NMU: variants seen among roughly 807,000 people sequenced by gnomAD.
NMU encodes neuromedin U.
In NMU, 29 loss-of-function variants were observed where a neutral mutation model predicts 35.4. The observed-to-expected ratio is 0.82, with a 90% CI of 0.61 to 1.12. The LOEUF is 1.12. Among genes scored for constraint, NMU ranks in the 50% most tolerant of loss-of-function variants. The pLI is 0.00. For synonymous variants in NMU, 78 were observed against 81.3 expected (o/e 0.96, Z 0.22); for missense variants, 199 against 206.2 (o/e 0.97, Z 0.21).
At chr4:55,636,344 G>C (rs1040350276), upstream of NMU, 1 of 1,166,564 alleles carries the variant, frequency 8.6e-7, no homozygotes, top group Non-Finnish European at 1.1e-6. The surrounding 1 kb of genome is among the most constrained non-coding windows in gnomAD (Gnocchi z 4.0). Context: ...GCACAAGTGG[G>C]CTGGGCTGCG....
chr4:55,604,303 T>C (rs934765815), intron 7 of NMU, among the ~76,000 whole-genome samples: 20 of 151,646 alleles, frequency 1.3e-4, no homozygotes, highest in African/African-American at 4.6e-4. Context: ...TGACCTCAAA[T>C]GATCCACCCA....
intron 2 of NMU, among the ~76,000 whole-genome samples, chr4:55,627,261 T>C (rs1456999292): frequency 1.3e-5 from 2 of 151,868 alleles, no homozygotes; most frequent in Admixed American, 6.6e-5. Flanking sequence ...TTTTTTTTTT[T>C]ATTACTGCAG....
chr4:55,632,823 GGA>G (rs1715676436), intron 1 of NMU, among the ~76,000 whole-genome samples: 1 of 152,072 alleles, frequency 6.6e-6, no homozygotes, highest in Non-Finnish European at 1.5e-5. Flanking sequence ...TCAGAACCAT[GGA>G]GAGTTTGCTT....
rs1006310048 is a variant in NMU, at chr4:55,607,472, G to T, written c.280-6C>A. 16 of 926,456 alleles carry T rather than the reference G, an allele frequency of 1.7e-5. No individual in the cohort carries two copies. Among genetic ancestry groups the T allele is most frequent in the Non-Finnish European group, 2.4e-5 (14 of 586,562 alleles). The allele number at this position is 926,456 out of a possible 1,614,324, so 57.4% of individuals were successfully genotyped here. A position where few individuals can be genotyped will look rare whatever the true frequency, so the allele number is the denominator to read the frequency against. On this transcript the variant is annotated splice_polypyrimidine_tract_variant and splice_region_variant and intron_variant, in intron 4 of 9. Coordinates refer to ENST00000264218, the MANE Select transcript of NMU (RefSeq NM_006681.4). Reference sequence around the variant, plus strand: ...TTATCTTTTTCATCTTGTTCCTATTGAAAAGAGATATTGTATATATCATTA... The same window carrying T: ...TTATCTTTTTCATCTTGTTCCTATTTAAAAGAGATATTGTATATATCATTA...
At chr4:55,608,105 G>A (rs545891176) in intron 4 of NMU, among the ~76,000 whole-genome samples, 1 of 151,256 alleles carries the variant, frequency 6.6e-6, no homozygotes, top group Non-Finnish European at 1.5e-5. Context: ...AACCTGGGAG[G>A]CGGAGCTTGC....
At chr4:55,604,365 A>T (rs376234711) in intron 7 of NMU, among the ~76,000 whole-genome samples, 5 of 151,792 alleles carry the variant, frequency 3.3e-5, no homozygotes, top group South Asian at 4.2e-4. Flanking sequence ...AAGAGTTAGG[A>T]TTCTTTTTAA....
At chr4:55,636,454 G>C, upstream of NMU, 1 of 440,174 alleles carries the variant, frequency 2.3e-6, no homozygotes, top group Non-Finnish European at 3.9e-6. The surrounding 1 kb of genome is among the most constrained non-coding windows in gnomAD (Gnocchi z 4.0). Flanking sequence ...AGCAGGACCC[G>C]AGCCCCCTAG....
At position 55,636,119 on chromosome 4, in the gene NMU, A is replaced by C; in HGVS notation, c.74T>G (p.Leu25Arg). ...CGCGCACCAGGCGAGCAGCAGCAGCAGCAGCAGGAGCGGGGACGCCGCGGC... is the reference window on the plus strand; with the variant it reads ...CGCGCACCAGGCGAGCAGCAGCAGCCGCAGCAGGAGCGGGGACGCCGCGGC... Reference protein sequence around the residue: ...QVAAASPLLLLLLLLAWCAGA... With the variant: ...QVAAASPLLLRLLLLAWCAGA... Residue 25 changes from leucine (L) to arginine (R), a missense_variant, in exon 1 of 10, where the codon CTG (leucine) becomes CGG (arginine). Coordinates refer to ENST00000264218, the MANE Select transcript of NMU (RefSeq NM_006681.4). This position sits in a 1 kb window ranked among gnomAD's most constrained non-coding sequence, Gnocchi z 4.0. 6.5e-7 allele frequency: 1 copy of C among 1,528,800 alleles called. No homozygotes were observed. Among genetic ancestry groups the C allele is most frequent in the South Asian group, 1.2e-5 (1 of 83,676 alleles). 94.7% of individuals were successfully genotyped at this position (1,528,800 alleles called of 1,614,324 possible).
intron 1 of NMU, among the ~76,000 whole-genome samples, chr4:55,634,896 A>G (rs1715819282): frequency 6.6e-6 from 1 of 151,946 alleles, no homozygotes; most frequent in East Asian, 1.9e-4. Flanking sequence ...TCTCTCACAC[A>G]CACACCCCCC....
Position 55,633,009 on chromosome 4 carries a change from A to T in NMU, c.113-2549T>A, listed in dbSNP as rs1428534124. Reference sequence around the variant, plus strand: ...AGGAGAGGAAACAAAATTAAAAAAAAATTCTATAATTTATAGAAAACGACT... The same window carrying T: ...AGGAGAGGAAACAAAATTAAAAAAATATTCTATAATTTATAGAAAACGACT... On this transcript the variant is annotated intron_variant, in intron 1 of 9. Coordinates refer to ENST00000264218, the MANE Select transcript of NMU (RefSeq NM_006681.4). Among the ~76,000 whole-genome samples the T allele has an allele frequency of 4.1e-5, 6 of 146,146 alleles. 1 individual carries two copies. In the South Asian group the frequency reaches 1.1e-3, roughly 27 times the overall value.
chr4:55,608,164 G>C (rs535199680), intron 4 of NMU, among the ~76,000 whole-genome samples: 49 of 101,928 alleles, frequency 4.8e-4, no homozygotes, highest in African/African-American at 1.8e-3. Context: ...GACAGAGCGA[G>C]ACTCCATCTC....
chr4:55,632,593 G>T (rs994339705), intron 1 of NMU, among the ~76,000 whole-genome samples: 2 of 152,162 alleles, frequency 1.3e-5, no homozygotes, highest in Non-Finnish European at 2.9e-5. Context: ...TTATCTGGTA[G>T]ATCCTACCCT....
chr4:55,609,455 C>A (rs987641824), intron 3 of NMU, among the ~76,000 whole-genome samples: 1 of 151,612 alleles, frequency 6.6e-6, no homozygotes. Context: ...ATACATAGTT[C>A]TCAGCACTTG....
intron 9 of NMU, 35 bp downstream of exon 9, chr4:55,599,102 CTATTT>C: frequency 7.4e-7 from 1 of 1,344,982 alleles, no homozygotes; most frequent in Non-Finnish European, 1.1e-6. Context: ...GAAATGCATA[CTATTT>C]TATTTATTTA....
At chr4:55,606,180 T>C (rs1733675260) in intron 6 of NMU, among the ~76,000 whole-genome samples, 2 of 152,258 alleles carry the variant, frequency 1.3e-5, no homozygotes, top group Non-Finnish European at 2.9e-5. Context: ...AAGATTATAG[T>C]TACCTTTCCA....
At chr4:55,599,263 G>A (rs570400779) in intron 8 of NMU, 82 bp from the exon 9 acceptor site, 13 of 1,136,738 alleles carry the variant, frequency 1.1e-5, no homozygotes, top group Non-Finnish European at 1.7e-5. Context: ...ATGATTTAGA[G>A]GAGTGTTTAA....
chr4:55,599,242 G>T, intron 8 of NMU, 61 bp from the exon 9 acceptor site: 1 of 1,317,284 alleles, frequency 7.6e-7, no homozygotes, highest in South Asian at 1.2e-5. Flanking sequence ...AACAGTCATA[G>T]AAACAGATTG....
At chr4:55,616,808 T>C (rs1181567624) in intron 2 of NMU, among the ~76,000 whole-genome samples, 3 of 152,160 alleles carry the variant, frequency 2.0e-5, no homozygotes. Flanking sequence ...AATAACAGCA[T>C]GATAAACAGC....
At chr4:55,599,311 A>G (rs1733331342) in intron 8 of NMU, 130 bp from the exon 9 acceptor site, 1 of 730,028 alleles carries the variant, frequency 1.4e-6, no homozygotes, top group Non-Finnish European at 2.5e-6. Flanking sequence ...TTTACAACAT[A>G]GACTGCTGGA....
Sources: gnomAD v4.1 joint callset for allele counts (sites outside exome capture counted in the v4.1 genomes callset) on GRCh38, gnomAD v4.1.1 for gene constraint, Gnocchi (gnomAD v3.1) non-coding constraint, MANE v1.5 for transcripts, NCBI Gene and HGNC (gene_info 2026-07-23, HGNC 2026-07-21) for gene names.